The following KCNIP4 variants were observed in gnomAD, a reference collection of about 807,000 sequenced individuals.
KCNIP4 encodes potassium voltage-gated channel interacting protein 4.
Under a neutral mutation model 34.0 loss-of-function variants are expected in KCNIP4, and 12 were observed. The ratio of observed to expected loss-of-function variants is 0.35; its 90% CI spans 0.23 to 0.57. The LOEUF (loss-of-function observed/expected upper bound fraction) is 0.57, where lower values mean the gene tolerates loss of function less well. Ranked by LOEUF, KCNIP4 falls within the 20% of genes least tolerant of loss-of-function variation. The pLI, the probability that KCNIP4 is intolerant of heterozygous loss-of-function variation, is 0.83. For synonymous variants in KCNIP4, 124 were observed against 102.2 expected, an observed-to-expected ratio of 1.21 and a Z score of -1.29; for missense variants, 238 against 311.7, an observed-to-expected ratio of 0.76 and a Z score of 1.78.
At chr4:21,174,759 G>T (rs934483655) in intron 1 of KCNIP4, among the ~76,000 whole-genome samples, 1 of 151,956 alleles carries the variant, frequency 6.6e-6, no homozygotes. Flanking sequence ...ACAAAAATTA[G>T]CCAGGCCTGG....
chr4:21,193,320 A>G (rs1755815308), intron 1 of KCNIP4, among the ~76,000 whole-genome samples: 2 of 152,124 alleles, frequency 1.3e-5, no homozygotes, highest in Admixed American at 6.5e-5. Context: ...AGCTGAGCTC[A>G]GGAGAAAAAG....
chr4:21,114,447 T>G (rs958070862), intron 1 of KCNIP4, among the ~76,000 whole-genome samples: 2 of 152,142 alleles, frequency 1.3e-5, no homozygotes, highest in South Asian at 4.1e-4. Flanking sequence ...AGTAAGAATA[T>G]CTTCACTTTT....
At chr4:21,238,138 A>G (rs546687391) in intron 1 of KCNIP4, among the ~76,000 whole-genome samples, 2 of 152,334 alleles carry the variant, frequency 1.3e-5, no homozygotes, top group South Asian at 4.1e-4. Context: ...CCACATGATT[A>G]CCTCAATAGA....
chr4:21,335,059 C>A (rs536327631), intron 1 of KCNIP4, among the ~76,000 whole-genome samples: 1 of 152,134 alleles, frequency 6.6e-6, no homozygotes, highest in South Asian at 2.1e-4. Flanking sequence ...AAGCTCTGCC[C>A]CTGAAAGACC....
chr4:20,865,449 C>A (rs1399550953), intron 2 of KCNIP4, among the ~76,000 whole-genome samples: 2 of 151,538 alleles, frequency 1.3e-5, no homozygotes, highest in East Asian at 3.9e-4. Flanking sequence ...TCATAGTAGC[C>A]AAAATATGGA....
chr4:21,630,794 G>T (rs1041231773), intron 1 of KCNIP4, among the ~76,000 whole-genome samples: 2 of 152,074 alleles, frequency 1.3e-5, no homozygotes, highest in African/African-American at 4.8e-5. Flanking sequence ...CTAGACGCCC[G>T]CAAGAAAGAG....
intron 1 of KCNIP4, among the ~76,000 whole-genome samples, chr4:21,065,766 A>ATATATAT (rs1491138349): frequency 1.1e-4 from 13 of 122,132 alleles, no homozygotes; most frequent in South Asian, 2.5e-4. Flanking sequence ...ATATATATAT[A>ATATATAT]ACTCAATTTT....
chr4:21,195,819 A>G (rs553548702), intron 1 of KCNIP4, among the ~76,000 whole-genome samples: 2 of 151,910 alleles, frequency 1.3e-5, no homozygotes, highest in Non-Finnish European at 2.9e-5. Context: ...TTTCCGCCCA[A>G]GTAGACTCTC....
At chr4:21,363,647 A>G (rs138721199) in intron 1 of KCNIP4, among the ~76,000 whole-genome samples, 2 of 152,314 alleles carry the variant, frequency 1.3e-5, no homozygotes, top group East Asian at 1.9e-4. Flanking sequence ...TTTAATATGT[A>G]CTTTGTGGCC....
rs548279078 is a variant in KCNIP4, at chr4:21,941,535, C to G, written c.61+7036G>C. Reference sequence around the variant, plus strand: ...CAGATCTAATTCCCTAAAGACTTTTCATGAGCAGATGTTGTCTGAATACAA... The same window carrying G: ...CAGATCTAATTCCCTAAAGACTTTTGATGAGCAGATGTTGTCTGAATACAA... On this transcript the variant is annotated intron_variant, in intron 1 of 8. Coordinates refer to ENST00000382152, the MANE Select transcript of KCNIP4 (RefSeq NM_025221.6). Among the ~76,000 whole-genome samples the G allele has an allele frequency of 1.8e-4, 27 of 150,994 alleles. 1 individual carries two copies. The South Asian group carries it at 5.6e-3, about 32-fold the overall frequency.
intron 1 of KCNIP4, among the ~76,000 whole-genome samples, chr4:21,834,657 C>A (rs1723205234): frequency 1.3e-5 from 2 of 152,230 alleles, no homozygotes; most frequent in South Asian, 4.2e-4. Context: ...GAGAGGGCAT[C>A]CCTGTCTTGT....
chr4:21,101,399 G>A (rs1366196458), intron 1 of KCNIP4, among the ~76,000 whole-genome samples: 1 of 151,858 alleles, frequency 6.6e-6, no homozygotes, highest in Non-Finnish European at 1.5e-5. Context: ...ATGTTTGTGT[G>A]GGTGTATACA....
intron 1 of KCNIP4, among the ~76,000 whole-genome samples, chr4:21,321,367 G>C (rs1003244664): frequency 6.6e-6 from 1 of 152,138 alleles, no homozygotes; most frequent in Admixed American, 6.5e-5. Flanking sequence ...GATTAAAGGA[G>C]ATAAATGCCT....
chr4:21,038,322 T>C (rs1741643178), intron 1 of KCNIP4, among the ~76,000 whole-genome samples: 1 of 152,232 alleles, frequency 6.6e-6, no homozygotes, highest in Non-Finnish European at 1.5e-5. Flanking sequence ...TCTCAGATTA[T>C]CACTAAATTT....
At chr4:20,924,820 T>C (rs1219931025) in intron 1 of KCNIP4, among the ~76,000 whole-genome samples, 2 of 152,098 alleles carry the variant, frequency 1.3e-5, no homozygotes, top group Admixed American at 6.6e-5. Context: ...TGGAAACACA[T>C]AAGTGGAAAA....
At chr4:21,132,590 C>A (rs1327524939) in intron 1 of KCNIP4, among the ~76,000 whole-genome samples, 1 of 152,158 alleles carries the variant, frequency 6.6e-6, no homozygotes, top group Non-Finnish European at 1.5e-5. Context: ...CCAGATTTAG[C>A]TTTCTAGACA....
intron 1 of KCNIP4, among the ~76,000 whole-genome samples, chr4:21,169,394 C>T (rs1213823891): frequency 6.6e-6 from 1 of 152,004 alleles, no homozygotes; most frequent in Non-Finnish European, 1.5e-5. Flanking sequence ...TCAAGCAACC[C>T]TCCCTCCTCA....
rs2149679696 is a variant in KCNIP4, at chr4:20,972,901, G to C, written c.62-90192C>G. ...AACTAGAATTAGAAGTGGAGCCTGA[G>C]TATTTAACTGAACTACTACAATCTC... On this transcript the variant is annotated intron_variant, in intron 1 of 8. Coordinates refer to ENST00000382152, the MANE Select transcript of KCNIP4 (RefSeq NM_025221.6). Among the ~76,000 whole-genome samples, 2 of 152,288 alleles carry C rather than the reference G, an allele frequency of 1.3e-5. 1 individual carries two copies. The highest frequency in any genetic ancestry group is 1.3e-4 in the Admixed American group (2 of 15,302).
chr4:21,484,465 T>G (rs949785015), intron 1 of KCNIP4, among the ~76,000 whole-genome samples: 7 of 152,234 alleles, frequency 4.6e-5, no homozygotes, highest in Non-Finnish European at 7.4e-5. Flanking sequence ...GTTATTCTCA[T>G]TTGACTGTTA....
Sources: allele counts gnomAD v4.1 joint callset (sites outside exome capture counted in the v4.1 genomes callset), GRCh38; gene constraint gnomAD v4.1.1; transcripts MANE v1.5; gene names NCBI Gene and HGNC (gene_info 2026-07-23, HGNC 2026-07-21).